The following DMWD variants were observed in gnomAD, a reference collection of about 807,000 sequenced individuals.
The protein encoded by DMWD is DM1 locus, WD repeat containing, also known as dystrophia myotonica WD repeat-containing protein.
DMWD carries 19 observed loss-of-function variants against 45.8 expected under a neutral mutation model. The ratio of observed to expected loss-of-function variants is 0.41; its 90% CI spans 0.29 to 0.61. The LOEUF (loss-of-function observed/expected upper bound fraction) is 0.61, where lower values mean the gene tolerates loss of function less well. DMWD is among the 20% of genes least tolerant of loss of function. The pLI is 0.25. For synonymous variants in DMWD, 515 were observed against 440.5 expected (o/e 1.17, Z -2.12); for missense variants, 802 against 965.2 (o/e 0.83, Z 2.24).
chr19:45,791,368 A>G (rs1970355047), intron 1 of DMWD, among the ~76,000 whole-genome samples: 1 of 152,086 alleles, frequency 6.6e-6, no homozygotes. Flanking sequence ...CCACATAATC[A>G]GGGTTCTGGG....
At chr19:45,785,535 T>G in intron 3 of DMWD, 59 bp downstream of exon 3, 1 of 1,431,794 alleles carries the variant, frequency 7.0e-7, no homozygotes, top group Non-Finnish European at 9.2e-7. Context: ...TGCCAATGCC[T>G]GCCTCTTCCC....
Position 45,786,257 on chromosome 19 carries a change from G to C in DMWD, c.1239C>G (p.Ala413=), listed in dbSNP as rs533995953. 1 of 1,606,666 alleles carries C rather than the reference G, an allele frequency of 6.2e-7. No individual in the cohort carries two copies. Among genetic ancestry groups the C allele is most frequent in the Admixed American group, 1.7e-5 (1 of 59,626 alleles). The change falls in exon 3 of 5, where the codon GCC becomes GCG. Residue 413 remains alanine, a synonymous_variant. Coordinates refer to ENST00000270223, the MANE Select transcript of DMWD (RefSeq NM_004943.2). ...EEPEAAGTGS[A]GGAPLSPLPK... is the part of the protein sequence containing the mutation. ...GCAGTGGAGAGAGCGGGGCGCCCCC[G>C]GCCGAGCCTGTGCCCGCAGCCTCGG...
intron 3 of DMWD, chr19:45,785,225 T>TA (rs1970254315): frequency 6.8e-6 from 7 of 1,035,930 alleles, no homozygotes; most frequent in African/African-American, 1.7e-5. Context: ...TGGCCTGAAG[T>TA]ACTCAAAAAA....
At position 45,784,302 on chromosome 19, in the gene DMWD, G is replaced by A. The variant is rs1209249032; in HGVS notation, c.1978-12C>T. ...TGGGAGGAGATGCCCTGGGGAAGAT[G>A]AGAGGGAGAGATGGGAGGGGTTAGA... is the stretch of plus-strand genomic sequence containing the variant. On this transcript the variant is annotated splice_polypyrimidine_tract_variant and intron_variant, in intron 4 of 4. Transcript: ENST00000270223. The A allele has an allele frequency of 2.0e-6, 3 of 1,508,844 alleles. No individual in the cohort carries two copies. Among genetic ancestry groups the A allele is most frequent in the South Asian group, 1.3e-5 (1 of 74,194 alleles). 93.5% of individuals were successfully genotyped at this position (1,508,844 alleles called of 1,614,324 possible).
At chr19:45,785,241 A>T in intron 3 of DMWD, 3 of 1,056,020 alleles carry the variant, frequency 2.8e-6, no homozygotes, top group Non-Finnish European at 2.3e-6. Context: ...AAAAAGTTTC[A>T]CGATTTAAAA....
intron 2 of DMWD, chr19:45,787,320 G>GT (rs1475902158): frequency 9.1e-6 from 2 of 219,184 alleles, no homozygotes; most frequent in Non-Finnish European, 1.8e-5. Context: ...TTCAATCCTC[G>GT]TAAGAGTGCG....
chr19:45,792,741 C>G lies in DMWD; in HGVS notation c.16G>C (p.Ala6Pro), dbSNP rs1411242213. The change falls in exon 1 of 5, where the codon GCG (alanine) becomes CCG (proline). Residue 6 changes from alanine (A) to proline (P), a missense_variant. Ala to Pro is a conservative substitution (Grantham distance 27). Around this residue, in one of 9 missense-constraint regions of DMWD, gnomAD observed 151 missense variants for 128.1 expected, o/e 1.18. Transcript: ENST00000270223. ...GCGCCGGGGCCCGAGCCGCCCTCCG[C>G]GCCGCCCGCCGCCATCTTGGGCGCC... MAAGGAEGGSGPGAAM... is the reference protein window; with the variant it reads MAAGGPEGGSGPGAAM... 1.8e-5 allele frequency: 21 copies of G among 1,141,240 alleles called. No individual in the cohort carries two copies. The African/African-American group carries it at 3.4e-4, about 19-fold the overall frequency. 70.7% of individuals were successfully genotyped at this position (1,141,240 alleles called of 1,614,324 possible).
Position 45,785,926 on chromosome 19 carries a change from C to T in DMWD, c.1570G>A (p.Ala524Thr), listed in dbSNP as rs1970266087. ...CGCCGCTCCTGCAGTGTGAGCGTGG[C>T]GAAGCGGCCAATGCTGAATGGTGTG... ...PGTPFSIGRF[A>T]TLTLQERRDR... The change falls in exon 3 of 5, where the codon GCC becomes ACC. Residue 524 changes from alanine (A) to threonine (T), a missense_variant. Ala to Thr is a moderately conservative substitution (Grantham distance 58, BLOSUM62 0). Transcript: ENST00000270223. The T allele has an allele frequency of 8.1e-6, 13 of 1,601,168 alleles. No homozygotes were observed. Among genetic ancestry groups the T allele is most frequent in the South Asian group, 1.1e-5 (1 of 90,706 alleles).
chr19:45,785,791 G>C lies in DMWD; in HGVS notation c.1705C>G (p.Pro569Ala), dbSNP rs1251531444. 1 of 1,611,928 alleles carries C rather than the reference G, an allele frequency of 6.2e-7. No individual in the cohort carries two copies. The highest frequency in any genetic ancestry group is 8.5e-7 in the Non-Finnish European group (1 of 1,179,490). The change falls in exon 3 of 5, where the codon CCC (proline) becomes GCC (alanine). Residue 569 changes from proline to alanine, a missense_variant. Physicochemically the swap from Pro to Ala is conservative, Grantham distance 27. Around this residue, in one of 9 missense-constraint regions of DMWD, gnomAD observed 303 missense variants for 332.9 expected, o/e 0.91. Coordinates refer to ENST00000270223, the MANE Select transcript of DMWD (RefSeq NM_004943.2). ...TTGGCGGGGTCCAGGCGGCTGCGGG[G>C]AACAGGGCCGCTGGGCTTCTCCCCA... ...SGGEKPSGPV[P>A]RSRLDPAKVL...
At chr19:45,791,392 T>C (rs896742807) in intron 1 of DMWD, among the ~76,000 whole-genome samples, 1 of 152,102 alleles carries the variant, frequency 6.6e-6, no homozygotes, top group Non-Finnish European at 1.5e-5. Flanking sequence ...ACACAGTTCC[T>C]AAGCTCCGAT....
chr19:45,785,802 C>T lies in DMWD; in HGVS notation c.1694G>A (p.Ser565Asn), dbSNP rs1397243927. The change falls in exon 3 of 5, where the codon AGC (serine) becomes AAC (asparagine). Residue 565 changes from serine to asparagine, a missense_variant. Ser to Asn is a conservative substitution (Grantham distance 46). This residue lies in a region of DMWD where 303 missense variants were observed against 332.9 expected (regional missense o/e 0.91). Transcript: ENST00000270223. ...CAGGCGGCTGCGGGGAACAGGGCCG[C>T]TGGGCTTCTCCCCACCACTGCCACT... Reference protein sequence around the residue: ...GGSGSGGEKPSGPVPRSRLDP... With the variant: ...GGSGSGGEKPNGPVPRSRLDP... 1 of 1,611,862 alleles carries T rather than the reference C, an allele frequency of 6.2e-7. No homozygotes were observed. The highest frequency in any genetic ancestry group is 1.7e-5 in the Admixed American group (1 of 59,976).
intron 1 of DMWD, among the ~76,000 whole-genome samples, chr19:45,791,779 C>T (rs1048474550): frequency 2.0e-5 from 3 of 152,046 alleles, no homozygotes; most frequent in South Asian, 2.1e-4. Context: ...ACGCTCATCT[C>T]CTCCAGGACC....
At chr19:45,790,607 C>G (rs765223477) in intron 2 of DMWD, 14 of 197,726 alleles carry the variant, frequency 7.1e-5, no homozygotes, top group Non-Finnish European at 1.2e-4. Flanking sequence ...GAGCAGAGAT[C>G]GCGCCACTGC....
intron 3 of DMWD, among the ~76,000 whole-genome samples, chr19:45,785,085 G>C (rs1340569311): frequency 6.6e-6 from 1 of 152,182 alleles, no homozygotes; most frequent in Non-Finnish European, 1.5e-5. Context: ...CTTGTCCAGG[G>C]TCACAGAGGG....
chr19:45,786,496 A>G lies in DMWD; in HGVS notation c.1000T>C (p.Trp334Arg). ...ACCACGTAGCGGCCGTCAGGGCTCC[A>G]GCACACACACAGCAGGCCCCCAAAG... ...SYFGGLLCVC[W>R]SPDGRYVVTG... The change falls in exon 3 of 5, where the codon TGG (tryptophan) becomes CGG (arginine). Residue 334 changes from tryptophan (W) to arginine (R), a missense_variant. Trp to Arg is a moderately radical substitution (Grantham distance 101, BLOSUM62 -3). This residue lies in a region of DMWD where 146 missense variants were observed against 212.8 expected (regional missense o/e 0.69). Transcript: ENST00000270223. 1 of 1,613,736 alleles carries G rather than the reference A, an allele frequency of 6.2e-7. No homozygotes were observed. The highest frequency in any genetic ancestry group is 8.5e-7 in the Non-Finnish European group (1 of 1,179,684).
Position 45,786,072 on chromosome 19 carries a change from C to T in DMWD, c.1424G>A (p.Ser475Asn), listed in dbSNP as rs751706708. The T allele has an allele frequency of 2.5e-5, 38 of 1,520,326 alleles. 1 individual carries two copies. In the South Asian group the frequency reaches 4.5e-4, roughly 18 times the overall value. 94.2% of individuals were successfully genotyped at this position (1,520,326 alleles called of 1,614,324 possible). A position where few individuals can be genotyped will look rare whatever the true frequency, so the allele number is the denominator to read the frequency against. ...TPGTTPPAAS[S>N]SRGGEPGPGP... ...TGGGCCAGGCTCGCCACCCCTCGAG[C>T]TGCTGGCGGCCGGTGGCGTGGTGCC... is the stretch of plus-strand genomic sequence containing the variant. Residue 475 changes from serine (S) to asparagine (N), a missense_variant, in exon 3 of 5, where the codon AGC becomes AAC. By Grantham distance (46) the Ser-to-Asn change is conservative. Around this residue, in one of 9 missense-constraint regions of DMWD, gnomAD observed 303 missense variants for 332.9 expected, o/e 0.91. Transcript: ENST00000270223.
At chr19:45,785,522 C>T (rs1186291272) in intron 3 of DMWD, 72 bp downstream of exon 3, 2 of 1,425,992 alleles carry the variant, frequency 1.4e-6, no homozygotes, top group African/African-American at 2.9e-5. Flanking sequence ...AAAGCCCTCT[C>T]TCTGCCAATG....
intron 3 of DMWD, chr19:45,785,370 C>G (rs1461677087): frequency 2.4e-6 from 3 of 1,244,834 alleles, no homozygotes; most frequent in African/African-American, 3.1e-5. Context: ...TCCTAGCTGG[C>G]TCTCACACCC....
rs1196499398 is a variant in DMWD at position 45,783,490 on chromosome 19, G to A, written c.*753C>T. On this transcript the variant is annotated 3_prime_UTR_variant, in exon 5 of 5. Transcript: ENST00000270223. Reference sequence around the variant, plus strand: ...GACTTTGATGAGGGGCCCTGGCTGCGGGCAGGATGCTCTTCTCCCCAAGAG... The same window carrying A: ...GACTTTGATGAGGGGCCCTGGCTGCAGGCAGGATGCTCTTCTCCCCAAGAG... 2.5e-5 allele frequency: 10 copies of A among 398,402 alleles called. No homozygotes were observed. Among genetic ancestry groups the A allele is most frequent in the East Asian group, 2.5e-4 (7 of 28,068 alleles). 24.7% of individuals were successfully genotyped at this position (398,402 alleles called of 1,614,324 possible).
Sources: gnomAD v4.1 joint callset for allele counts (sites outside exome capture counted in the v4.1 genomes callset) on GRCh38, gnomAD v4.1.1 for gene constraint, gnomAD v4.1.1 regional missense constraint, MANE v1.5 for transcripts, NCBI Gene and HGNC (gene_info 2026-07-23, HGNC 2026-07-21) for gene names.